Variants in SPRED1 observed in about 807,000 individuals in gnomAD.
SPRED1 encodes the protein sprouty related EVH1 domain containing 1.
SPRED1 carries 18 observed loss-of-function variants against 52.3 expected under a neutral mutation model. The observed-to-expected ratio is 0.34, with a 90% CI of 0.24 to 0.51. SPRED1 has a LOEUF of 0.51. Among genes scored for constraint, SPRED1 ranks in the 20% least tolerant of loss-of-function variants. SPRED1 has a pLI of 0.97. For missense variants in SPRED1, 485 were observed against 551.0 expected (o/e 0.88, Z 1.20); for synonymous variants, 155 against 179.7 (o/e 0.86, Z 1.10).
chr15:38,344,919 CAATTT>C (rs1304869166), intron 5 of SPRED1, among the ~76,000 whole-genome samples: 1 of 151,762 alleles, frequency 6.6e-6, no homozygotes, highest in East Asian at 1.9e-4. Context: ...GTGAACTTCT[CAATTT>C]AACAGGAATT....
intron 3 of SPRED1, among the ~76,000 whole-genome samples, chr15:38,324,532 T>A (rs1233618743): frequency 6.6e-6 from 1 of 152,070 alleles, no homozygotes; most frequent in African/African-American, 2.4e-5. Context: ...AGAGAAAACA[T>A]CTCGTTAGTA....
At chr15:38,285,725 T>C (rs10775232) in intron 1 of SPRED1, among the ~76,000 whole-genome samples, 125,500 of 152,098 alleles carry the variant, frequency 0.83, 52,542 homozygotes, top group Non-Finnish European at 0.9. Flanking sequence ...TCACATGACC[T>C]GATTCATGTT....
chr15:38,314,054 A>C (rs1330297639), intron 2 of SPRED1, among the ~76,000 whole-genome samples: 2 of 151,866 alleles, frequency 1.3e-5, no homozygotes, highest in Non-Finnish European at 3.0e-5. Context: ...TTTAGAGATG[A>C]TAGCCTATGC....
At chr15:38,269,456 C>A (rs1441296797) in intron 1 of SPRED1, among the ~76,000 whole-genome samples, 2 of 152,094 alleles carry the variant, frequency 1.3e-5, no homozygotes, top group South Asian at 4.1e-4. Context: ...GTTGGCCAGC[C>A]GGGCTGGTCT....
At chr15:38,339,616 G>A in intron 4 of SPRED1, 121 bp from the exon 5 acceptor site, 1 of 956,354 alleles carries the variant, frequency 1.0e-6, no homozygotes, top group Admixed American at 1.9e-5. Context: ...GCTATTCATA[G>A]CGATGGTAGC....
chr15:38,336,449 T>C (rs1895923795), intron 4 of SPRED1, among the ~76,000 whole-genome samples: 1 of 144,124 alleles, frequency 6.9e-6, no homozygotes. Context: ...ATTATATATA[T>C]GTTATATATA....
chr15:38,330,075 G>A (rs569553327), intron 4 of SPRED1, among the ~76,000 whole-genome samples: 2 of 152,256 alleles, frequency 1.3e-5, no homozygotes. Context: ...TGTGTTAGCA[G>A]GATGTGTGTA....
At chr15:38,320,902 C>G (rs796093669) in intron 2 of SPRED1, among the ~76,000 whole-genome samples, 32 of 152,234 alleles carry the variant, frequency 2.1e-4, no homozygotes, top group African/African-American at 7.0e-4. Flanking sequence ...GAACGAAAGA[C>G]TGAAGAGACC....
At chr15:38,329,004 T>G (rs1180674231) in intron 4 of SPRED1, among the ~76,000 whole-genome samples, 1 of 152,088 alleles carries the variant, frequency 6.6e-6, no homozygotes, top group Non-Finnish European at 1.5e-5. Context: ...ACGGCATGAG[T>G]CACTGTGCCT....
At chr15:38,276,487 A>G (rs1352276028) in intron 1 of SPRED1, among the ~76,000 whole-genome samples, 1 of 152,168 alleles carries the variant, frequency 6.6e-6, no homozygotes, top group African/African-American at 2.4e-5. Context: ...TAAATGATAC[A>G]TATTTGCTAA....
At chr15:38,287,187 G>A (rs1178013700) in intron 1 of SPRED1, among the ~76,000 whole-genome samples, 1 of 152,152 alleles carries the variant, frequency 6.6e-6, no homozygotes, top group African/African-American at 2.4e-5. Flanking sequence ...AGAGGTCAGA[G>A]TTTTAGAAGC....
intron 1 of SPRED1, among the ~76,000 whole-genome samples, chr15:38,293,123 C>G (rs541434689): frequency 3.8e-4 from 1 of 2,660 alleles, no homozygotes; most frequent in Non-Finnish European, 1.4e-3. Context: ...TTTTTTGAGA[C>G]GGAGTCTCGC....
intron 2 of SPRED1, among the ~76,000 whole-genome samples, chr15:38,313,751 A>G (rs898825482): frequency 2.6e-5 from 4 of 151,646 alleles, no homozygotes; most frequent in Non-Finnish European, 5.9e-5. Flanking sequence ...TTCTTAATAC[A>G]TTTTTGGGTT....
intron 1 of SPRED1, among the ~76,000 whole-genome samples, chr15:38,280,605 G>T (rs182802433): frequency 2.0e-4 from 31 of 152,204 alleles, no homozygotes; most frequent in Admixed American, 5.9e-4. Context: ...TTAAAAATGT[G>T]ATTTTTAGCT....
intron 2 of SPRED1, among the ~76,000 whole-genome samples, chr15:38,321,761 T>A (rs34831406): frequency 6.6e-6 from 1 of 151,880 alleles, no homozygotes; most frequent in Non-Finnish European, 1.5e-5. Context: ...ACCCAGCTAA[T>A]TTTTTATATT....
chr15:38,324,505 A>G (rs960618307), intron 3 of SPRED1, among the ~76,000 whole-genome samples: 17 of 152,166 alleles, frequency 1.1e-4, no homozygotes, highest in Non-Finnish European at 1.9e-4. Context: ...AGGGGTAGCT[A>G]GAGATAGTAT....
At chr15:38,291,387 T>C (rs1394360588) in intron 1 of SPRED1, among the ~76,000 whole-genome samples, 1 of 152,236 alleles carries the variant, frequency 6.6e-6, no homozygotes, top group Non-Finnish European at 1.5e-5. Flanking sequence ...TCAGTGAATC[T>C]ACCATTCTGG....
chr15:38,303,976 A>T (rs1895199586), intron 2 of SPRED1, among the ~76,000 whole-genome samples: 1 of 152,166 alleles, frequency 6.6e-6, no homozygotes, highest in Admixed American at 6.5e-5. Context: ...ATTAATAAGT[A>T]ATTAGGTTGT....
At chr15:38,308,616 T>C (rs1251103815) in intron 2 of SPRED1, among the ~76,000 whole-genome samples, 1 of 152,222 alleles carries the variant, frequency 6.6e-6, no homozygotes, top group Non-Finnish European at 1.5e-5. Context: ...AGGATTGACC[T>C]TTTTTCTTTC....
Sources: allele counts gnomAD v4.1 joint callset (sites outside exome capture counted in the v4.1 genomes callset), GRCh38; gene constraint gnomAD v4.1.1; transcripts MANE v1.5; gene names NCBI Gene and HGNC (gene_info 2026-07-23, HGNC 2026-07-21).